The following KCNAB2 variants were observed in gnomAD, a reference collection of about 807,000 sequenced individuals.
KCNAB2 encodes the protein voltage-gated potassium channel subunit beta-2.
KCNAB2 carries 29 observed loss-of-function variants against 63.6 expected under a neutral mutation model. The observed-to-expected ratio is 0.46, with a 90% CI of 0.34 to 0.62. KCNAB2 has a LOEUF of 0.62. KCNAB2 is among the 20% of genes least tolerant of loss of function. The pLI is 0.01. For synonymous variants in KCNAB2, 222 were observed against 224.2 expected (o/e 0.99, Z 0.09); for missense variants, 359 against 563.9 (o/e 0.64, Z 3.68).
chr1:6,033,990 C>T (rs1468062518), upstream of KCNAB2, among the ~76,000 whole-genome samples: 5 of 151,952 alleles, frequency 3.3e-5, no homozygotes, highest in African/African-American at 4.8e-5. Context: ...CCCTGCACCC[C>T]GTCAGCTGCT....
intron 11 of KCNAB2, 65 bp from the exon 12 acceptor site, chr1:6,095,258 C>T (rs1665519907): frequency 2.0e-6 from 3 of 1,530,130 alleles, no homozygotes; most frequent in Admixed American, 3.9e-5. Flanking sequence ...CTCTCCATGG[C>T]TGCCCCGGCA....
intron 1 of KCNAB2, among the ~76,000 whole-genome samples, chr1:6,011,574 C>T (rs1167049164): frequency 6.6e-6 from 1 of 152,164 alleles, no homozygotes; most frequent in Non-Finnish European, 1.5e-5. Context: ...CTCTGGATGC[C>T]GAGCTGAGGC....
At chr1:6,044,959 G>A (rs541140453), upstream of KCNAB2, among the ~76,000 whole-genome samples, 8 of 152,334 alleles carry the variant, frequency 5.3e-5, no homozygotes, top group African/African-American at 1.4e-4. Context: ...ATGTTAGGCT[G>A]CAGCTACCAC....
chr1:6,079,020 C>T (rs1404397392), intron 4 of KCNAB2, among the ~76,000 whole-genome samples: 1 of 152,192 alleles, frequency 6.6e-6, no homozygotes, highest in East Asian at 1.9e-4. Context: ...AGATTCTGGA[C>T]TAATTTGCAG....
rs569163605 is a variant in KCNAB2, at chr1:6,069,311, A to G, written c.219-3444A>G. The stretch of plus-strand genomic sequence containing the variant: ...TTTGTCCTCTGCCCAGGTGGCTCCA[A>G]TGAAAGGCCCCAAACTCCTCTTTGT... On this transcript the variant is annotated intron_variant, in intron 2 of 15. Coordinates refer to ENST00000378083, the MANE Select transcript of KCNAB2 (RefSeq NM_001199862.2). This position sits in a 1 kb window ranked among gnomAD's most constrained non-coding sequence, Gnocchi z 5.4. Among the ~76,000 whole-genome samples, 231 of 152,282 alleles carry G rather than the reference A, an allele frequency of 1.5e-3. No individual in the cohort carries two copies. Among genetic ancestry groups the G allele is most frequent in the African/African-American group, 5.3e-3 (219 of 41,554 alleles).
At chr1:6,008,906 G>C (rs806112) in intron 1 of KCNAB2, among the ~76,000 whole-genome samples, 145,382 of 152,296 alleles carry the variant, frequency 0.95, 69,442 homozygotes, top group East Asian at 1. Context: ...TGGCCTGGGC[G>C]GAGAGTGAGA....
In KCNAB2 at chr1:6,037,088, C is replaced by G. The variant is rs6671770; in HGVS notation, c.-53+2294C>G. 1.0e-3 allele frequency among the ~76,000 whole-genome samples: 157 copies of G among 152,318 alleles called. 1 individual carries two copies. Among genetic ancestry groups the G allele is most frequent in the African/African-American group, 3.7e-3 (155 of 41,562 alleles). On this transcript the variant is annotated intron_variant, in intron 1 of 15. Transcript: ENST00000164247. The stretch of plus-strand genomic sequence containing the variant: ...AGACTCCTGGCCCTCAACCTCGCCT[C>G]TAGGCCAGGGGTCTTCAAAGCATGG...
intron 2 of KCNAB2, among the ~76,000 whole-genome samples, chr1:6,062,497 T>C (rs1662403179): frequency 6.6e-6 from 1 of 152,226 alleles, no homozygotes; most frequent in South Asian, 2.1e-4. Context: ...TGATCCAATA[T>C]TTATTGAAGG....
intron 1 of KCNAB2, among the ~76,000 whole-genome samples, chr1:5,999,663 G>T (rs939969890): frequency 6.6e-6 from 1 of 152,116 alleles, no homozygotes; most frequent in Non-Finnish European, 1.5e-5. Context: ...ATGTGGTTTG[G>T]TTCAGGGGTA....
upstream of KCNAB2, among the ~76,000 whole-genome samples, chr1:6,045,593 G>A (rs770479356): frequency 2.6e-5 from 4 of 152,202 alleles, no homozygotes; most frequent in Non-Finnish European, 4.4e-5. The surrounding 1 kb of genome is among the most constrained non-coding windows in gnomAD (Gnocchi z 4.8). Flanking sequence ...AGGAGCATGC[G>A]CGTGTGCTGA....
rs142700539 is a variant in KCNAB2, at chr1:6,089,480, G to A, written c.514+429G>A. ...CTCGCAGGCACCGGAGCAAGGCACC[G>A]GGGTGTCTGGCTCTTGCTGTATCTT... On this transcript the variant is annotated intron_variant, in intron 8 of 15. Coordinates refer to ENST00000378083, the MANE Select transcript of KCNAB2 (RefSeq NM_001199862.2). Among the ~76,000 whole-genome samples the A allele has an allele frequency of 6.6e-3, 1,006 of 152,348 alleles. 8 individuals are homozygous for A. The highest frequency in any genetic ancestry group is 0.027 in the Middle Eastern group (8 of 294).
chr1:6,082,188 G>C lies in KCNAB2; in HGVS notation c.301-7G>C, dbSNP rs190608320. On this transcript the variant is annotated splice_polypyrimidine_tract_variant and splice_region_variant and intron_variant, in intron 4 of 15. Transcript: ENST00000378083. ...CTGGCAGGACAGTGTCGGTTTTCTC[G>C]TTTCAGATGGCAGAGCAGCTCATGA... 7 of 1,613,058 alleles carry C rather than the reference G, an allele frequency of 4.3e-6. No individual in the cohort carries two copies. The highest frequency in any genetic ancestry group is 5.9e-6 in the Non-Finnish European group (7 of 1,179,272).
chr1:6,004,703 C>T (rs1444623651), intron 1 of KCNAB2, among the ~76,000 whole-genome samples: 1 of 152,030 alleles, frequency 6.6e-6, no homozygotes, highest in African/African-American at 2.4e-5. Context: ...GCAGGATTTC[C>T]ACCTTAATTA....
chr1:6,029,231 C>T (rs1020513214), intron 1 of KCNAB2, among the ~76,000 whole-genome samples: 4 of 149,034 alleles, frequency 2.7e-5, no homozygotes, highest in Non-Finnish European at 5.9e-5. Flanking sequence ...TGCAGTGAGC[C>T]GAGATCGCGC....
In KCNAB2 at chr1:6,096,450, G is replaced by T; in HGVS notation, c.949-186G>T. ...CCCGCTCATCCACCAGCCCGTGCCC[G>T]GCCCACTGCCCACTCTCCCCTACTT... On this transcript the variant is annotated intron_variant, in intron 13 of 15. Coordinates refer to ENST00000378083, the MANE Select transcript of KCNAB2 (RefSeq NM_001199862.2). The surrounding 1 kb of genome is among the most constrained non-coding windows in gnomAD (Gnocchi z 5.9). 1.3e-6 allele frequency: 1 copy of T among 747,432 alleles called. No individual in the cohort carries two copies. The highest frequency in any genetic ancestry group is 2.1e-6 in the Non-Finnish European group (1 of 468,390). The allele number at this position is 747,432 out of a possible 1,614,324, so 46.3% of individuals were successfully genotyped here.
At chr1:6,089,923 A>C (rs916004417) in intron 8 of KCNAB2, among the ~76,000 whole-genome samples, 2 of 151,638 alleles carry the variant, frequency 1.3e-5, no homozygotes, top group Non-Finnish European at 1.5e-5. Flanking sequence ...CTGGTCTCAA[A>C]CTCCTGGCCC....
chr1:6,097,402 G>A (rs145730541), intron 15 of KCNAB2, 45 bp downstream of exon 15: 187 of 1,548,870 alleles, frequency 1.2e-4, no homozygotes, highest in Non-Finnish European at 1.6e-4. Context: ...ATCCCAGCCC[G>A]AGCCCCGTCC....
intron 5 of KCNAB2, among the ~76,000 whole-genome samples, chr1:6,082,789 C>T (rs1664321916): frequency 6.6e-6 from 1 of 152,226 alleles, no homozygotes; most frequent in Admixed American, 6.5e-5. Flanking sequence ...AAATCATCCA[C>T]TCTCCTGCAT....
chr1:6,068,018 G>C (rs1209210998), intron 2 of KCNAB2, among the ~76,000 whole-genome samples: 2 of 152,198 alleles, frequency 1.3e-5, no homozygotes, highest in Non-Finnish European at 2.9e-5. Context: ...GTGACAGAAT[G>C]AGAGCCTGTC....
Sources: allele counts gnomAD v4.1 joint callset (sites outside exome capture counted in the v4.1 genomes callset), GRCh38; gene constraint gnomAD v4.1.1; non-coding constraint Gnocchi (gnomAD v3.1); transcripts MANE v1.5; gene names NCBI Gene and HGNC (gene_info 2026-07-23, HGNC 2026-07-21).